The following LPP variants were observed in gnomAD, a reference collection of about 807,000 sequenced individuals.
LPP encodes lipoma-preferred partner.
Under a neutral mutation model 60.4 loss-of-function variants are expected in LPP, and 38 were observed. The ratio of observed to expected loss-of-function variants is 0.63; its 90% CI spans 0.49 to 0.83. The LOEUF is 0.83. Among genes scored for constraint, LPP ranks in the 40% least tolerant of loss-of-function variants. The probability of loss-of-function intolerance (pLI) is 0.00; values close to 1 mark genes in which losing one functional copy is unlikely to be tolerated. For missense variants in LPP, 902 were observed against 783.6 expected, an observed-to-expected ratio of 1.15 and a Z score of -1.80; for synonymous variants, 328 against 290.8, an observed-to-expected ratio of 1.13 and a Z score of -1.30.
rs115023743 is a variant in LPP at position 188,368,928 on chromosome 3, G to A, written c.-10+27209G>A. Among the ~76,000 whole-genome samples the A allele has an allele frequency of 1.6e-4, 25 of 152,146 alleles. 1 individual carries two copies. Among genetic ancestry groups the A allele is most frequent in the Admixed American group, 9.8e-4 (15 of 15,278 alleles). The stretch of plus-strand genomic sequence containing the variant: ...GTGTGTGTGAAAGAGAGGGTCACCC[G>A]CCACATTTTATCTCTCTGTCTTATT... On this transcript the variant is annotated intron_variant, in intron 3 of 11. Transcript: ENST00000617246.
At position 188,447,798 on chromosome 3, in the gene LPP, C is replaced by T. The variant is rs148812922; in HGVS notation, c.194-36794C>T. Reference sequence around the variant, plus strand: ...CTTAGAAGAAAAAAAAAAGGTGACTCTCCGGGATTCTATAGCAGTATGGCC... The same window carrying T: ...CTTAGAAGAAAAAAAAAAGGTGACTTTCCGGGATTCTATAGCAGTATGGCC... On this transcript the variant is annotated intron_variant, in intron 4 of 11. Coordinates refer to ENST00000617246, the MANE Select transcript of LPP (RefSeq NM_001375462.1). Among the ~76,000 whole-genome samples, 869 of 151,988 alleles carry T rather than the reference C, an allele frequency of 5.7e-3. 5 individuals carry two copies. Among genetic ancestry groups the T allele is most frequent in the African/African-American group, 0.02 (811 of 41,462 alleles).
chr3:188,313,636 C>CA (rs57034070), intron 2 of LPP, among the ~76,000 whole-genome samples: 119 of 114,852 alleles, frequency 1.0e-3, no homozygotes, highest in African/African-American at 1.3e-3. Context: ...GACTCCGTCT[C>CA]AAAAAAAAAA....
At chr3:188,666,683 T>C (rs1855867979) in intron 7 of LPP, among the ~76,000 whole-genome samples, 1 of 152,212 alleles carries the variant, frequency 6.6e-6, no homozygotes, top group South Asian at 2.1e-4. Context: ...CATCAAATAC[T>C]TGTTGAATGC....
chr3:188,319,842 C>T lies in LPP; in HGVS notation c.-66-21821C>T, dbSNP rs923495780. ...TTCCAGTTTTTCCACTAATGCCTTT[C>T]GTTTTTTTCCTAGATCTAGTTTAGG... On this transcript the variant is annotated intron_variant, in intron 2 of 11. Coordinates refer to ENST00000617246, the MANE Select transcript of LPP (RefSeq NM_001375462.1). 3.3e-5 allele frequency among the ~76,000 whole-genome samples: 5 copies of T among 152,248 alleles called. No homozygotes were observed. In the South Asian group the frequency reaches 8.3e-4, roughly 25 times the overall value.
intron 3 of LPP, among the ~76,000 whole-genome samples, chr3:188,343,809 T>A (rs1044798594): frequency 6.6e-6 from 1 of 152,198 alleles, no homozygotes; most frequent in African/African-American, 2.4e-5. Context: ...TCTGGGAGCA[T>A]GCTGTAGAAA....
intron 3 of LPP, among the ~76,000 whole-genome samples, chr3:188,359,169 C>T (rs1350949446): frequency 1.3e-5 from 2 of 152,194 alleles, no homozygotes; most frequent in Admixed American, 6.5e-5. Context: ...CAGGTCATCT[C>T]AGAGTAAAAC....
intron 7 of LPP, among the ~76,000 whole-genome samples, chr3:188,627,733 A>G (rs558150036): frequency 6.6e-6 from 1 of 152,128 alleles, no homozygotes; most frequent in African/African-American, 2.4e-5. Context: ...ACCAACAAAG[A>G]TATTTGGGAC....
chr3:188,162,505 A>G (rs949127385), intron 1 of LPP, among the ~76,000 whole-genome samples: 9 of 152,242 alleles, frequency 5.9e-5, no homozygotes, highest in Non-Finnish European at 4.4e-5. Context: ...AGGCAAGACT[A>G]AAAATCAGAT....
intron 7 of LPP, among the ~76,000 whole-genome samples, chr3:188,633,732 T>C (rs1176121875): frequency 1.3e-5 from 2 of 152,330 alleles, no homozygotes; most frequent in East Asian, 1.9e-4. Context: ...AGGGATGTAA[T>C]TGAAAGTACA....
At chr3:188,402,754 G>T (rs1474255830) in intron 3 of LPP, among the ~76,000 whole-genome samples, 1 of 152,234 alleles carries the variant, frequency 6.6e-6, no homozygotes, top group African/African-American at 2.4e-5. Context: ...TTTCCAACTT[G>T]TTGGGACATG....
At chr3:188,691,504 T>A (rs7618999) in intron 7 of LPP, among the ~76,000 whole-genome samples, 84,461 of 152,082 alleles carry the variant, frequency 0.56, 24,692 homozygotes, top group Middle Eastern at 0.67. Context: ...GGTGACGATG[T>A]ACATGATGAT....
intron 7 of LPP, among the ~76,000 whole-genome samples, chr3:188,612,089 T>C (rs1170100396): frequency 6.6e-6 from 1 of 152,252 alleles, no homozygotes; most frequent in Admixed American, 6.5e-5. Flanking sequence ...TTTCATGTTA[T>C]TTTTAAAATT....
chr3:188,512,593 A>AAATG (rs567257924), intron 5 of LPP, among the ~76,000 whole-genome samples: 98 of 151,664 alleles, frequency 6.5e-4, no homozygotes, highest in African/African-American at 2.3e-3. Flanking sequence ...ATAAATAAAT[A>AAATG]AAGTTCCCAC....
intron 2 of LPP, among the ~76,000 whole-genome samples, chr3:188,265,855 T>C (rs1479141195): frequency 6.8e-6 from 1 of 147,622 alleles, no homozygotes; most frequent in African/African-American, 2.6e-5. Context: ...AAAAGGGCTG[T>C]GATAGGATTA....
intron 4 of LPP, among the ~76,000 whole-genome samples, chr3:188,414,287 G>C (rs562378154): frequency 6.6e-6 from 1 of 152,166 alleles, no homozygotes; most frequent in African/African-American, 2.4e-5. Context: ...AATCTTAAAT[G>C]TGAAAAAATC....
chr3:188,859,437 G>C (rs776721972), intron 9 of LPP, among the ~76,000 whole-genome samples: 1 of 152,104 alleles, frequency 6.6e-6, no homozygotes, highest in East Asian at 1.9e-4. Flanking sequence ...TTCATTACTC[G>C]TGCCTCAATG....
intron 1 of LPP, among the ~76,000 whole-genome samples, chr3:188,203,455 A>AAATATATATATTTT (rs1731824847): frequency 1.1e-5 from 1 of 90,356 alleles, no homozygotes; most frequent in African/African-American, 4.5e-5. Context: ...ATAAATATAT[A>AAATATATATATTTT]TAAATATATA....
chr3:188,748,657 C>A (rs1727081593), intron 8 of LPP, among the ~76,000 whole-genome samples: 1 of 152,062 alleles, frequency 6.6e-6, no homozygotes, highest in Non-Finnish European at 1.5e-5. Flanking sequence ...GTGACGTGCG[C>A]CTGTAATCCC....
chr3:188,230,016 G>T (rs1208707279), intron 2 of LPP, among the ~76,000 whole-genome samples: 1 of 152,142 alleles, frequency 6.6e-6, no homozygotes, highest in Non-Finnish European at 1.5e-5. Context: ...ATTAGGCTTA[G>T]TCCCTGACCC....
Sources: allele counts gnomAD v4.1 joint callset (sites outside exome capture counted in the v4.1 genomes callset), GRCh38; gene constraint gnomAD v4.1.1; transcripts MANE v1.5; gene names NCBI Gene and HGNC (gene_info 2026-07-23, HGNC 2026-07-21).